ZNF451: variants seen among roughly 807,000 people sequenced by gnomAD.
ZNF451 encodes zinc finger protein 451.
A neutral mutation model predicts 107.1 loss-of-function variants in ZNF451; 80 were observed. That is an observed-to-expected ratio of 0.75 (90% CI 0.62 to 0.90). The LOEUF (loss-of-function observed/expected upper bound fraction) is 0.90, where lower values mean the gene tolerates loss of function less well. Among genes scored for constraint, ZNF451 ranks in the 40% least tolerant of loss-of-function variants. The pLI, the probability that ZNF451 is intolerant of heterozygous loss-of-function variation, is 0.00. For synonymous variants in ZNF451, 362 were observed against 406.5 expected (o/e 0.89, Z 1.32); for missense variants, 1,107 against 1,236.2 (o/e 0.90, Z 1.57).
At chr6:57,116,944 A>C (rs1028323805) in intron 3 of ZNF451, 7 of 152,112 alleles carry the variant, frequency 4.6e-5, no homozygotes, top group African/African-American at 1.7e-4. Context: ...AAAACAAAAA[A>C]AAAAAAAATG....
In ZNF451 at chr6:57,152,203, C is replaced by G; in HGVS notation, c.2753-18C>G. On this transcript the variant is annotated intron_variant, in intron 11 of 14. Transcript: ENST00000370706. The stretch of plus-strand genomic sequence containing the variant: ...TCTCCTGTTTGATTATCATTTTTGC[C>G]TTTTCTAAAATTAATAGGAGGAAAC... 4 of 1,583,378 alleles carry G rather than the reference C, an allele frequency of 2.5e-6. No homozygotes were observed. Among genetic ancestry groups the G allele is most frequent in the Non-Finnish European group, 3.4e-6 (4 of 1,166,510 alleles).
At chr6:57,108,236 C>T in intron 3 of ZNF451, 1 of 985,392 alleles carries the variant, frequency 1.0e-6, no homozygotes, top group Non-Finnish European at 1.2e-6. Context: ...CTTTCATATG[C>T]TATCTTTGCT....
At chr6:57,090,534 T>C (rs1829016383) in intron 1 of ZNF451, among the ~76,000 whole-genome samples, 1 of 104,416 alleles carries the variant, frequency 9.6e-6, no homozygotes. Context: ...TAAGGCAGGA[T>C]TGCCCTTCGG....
chr6:57,163,021 T>C (rs150973567), intron 14 of ZNF451, among the ~76,000 whole-genome samples: 1 of 152,344 alleles, frequency 6.6e-6, no homozygotes, highest in East Asian at 1.9e-4. Context: ...TTTTGTATCC[T>C]GATGCTTTAT....
chr6:57,161,219 T>A (rs538424994), intron 14 of ZNF451, 67 bp downstream of exon 14: 2 of 942,376 alleles, frequency 2.1e-6, no homozygotes, highest in East Asian at 5.6e-5. Context: ...AATTTCTCTG[T>A]CTCTCACCCA....
At chr6:57,104,413 C>T in intron 3 of ZNF451, 1 of 985,368 alleles carries the variant, frequency 1.0e-6, no homozygotes, top group Non-Finnish European at 1.2e-6. Context: ...AGACTTTTCA[C>T]TTTCCATTTG....
chr6:57,105,798 G>A (rs1829825197), intron 3 of ZNF451: 2 of 985,184 alleles, frequency 2.0e-6, no homozygotes, highest in Non-Finnish European at 2.4e-6. Flanking sequence ...AATAAGCAAG[G>A]ACATTTTTAA....
intron 7 of ZNF451, among the ~76,000 whole-genome samples, chr6:57,138,049 A>G (rs1374121576): frequency 2.6e-5 from 4 of 152,222 alleles, no homozygotes; most frequent in African/African-American, 7.2e-5. Flanking sequence ...GTTACGAACA[A>G]TGCTTCTATA....
intron 1 of ZNF451, 42 bp downstream of exon 1, chr6:57,090,316 C>T (rs1354759604): frequency 6.2e-7 from 1 of 1,606,176 alleles, no homozygotes; most frequent in Non-Finnish European, 8.5e-7. Flanking sequence ...CAGAGGCGAA[C>T]CGCGAAGGGT....
At chr6:57,155,818 CTTT>C (rs528621372) in intron 13 of ZNF451, among the ~76,000 whole-genome samples, 2 of 107,278 alleles carry the variant, frequency 1.9e-5, no homozygotes, top group Non-Finnish European at 2.0e-5. Flanking sequence ...TCTAGGTATT[CTTT>C]TTTTTTTTTT....
At chr6:57,156,459 T>A (rs967248563) in intron 13 of ZNF451, among the ~76,000 whole-genome samples, 1 of 152,238 alleles carries the variant, frequency 6.6e-6, no homozygotes, top group African/African-American at 2.4e-5. Context: ...TTTTTGTTAC[T>A]AAAGAATGCC....
intron 3 of ZNF451, chr6:57,107,838 A>ATTTTTTTTTTTTTTTTTTTTTTTTTTT (rs71799243): frequency 1.3e-6 from 1 of 746,694 alleles, no homozygotes; most frequent in Non-Finnish European, 1.6e-6. Context: ...ATATTTGATG[A>ATTTTTTTTTTTTTTTTTTTTTTTTTTT]TTTTTTTTTT....
At chr6:57,124,106 A>G (rs1352388510) in intron 3 of ZNF451, among the ~76,000 whole-genome samples, 2 of 152,180 alleles carry the variant, frequency 1.3e-5, no homozygotes, top group South Asian at 2.1e-4. Flanking sequence ...TCTGTTTCTC[A>G]TCATTAAATG....
chr6:57,133,891 G>T (rs1831303584), intron 6 of ZNF451, among the ~76,000 whole-genome samples: 1 of 152,108 alleles, frequency 6.6e-6, no homozygotes, highest in South Asian at 2.1e-4. Context: ...GCCCAAGCTG[G>T]TCTTGAACTC....
At chr6:57,101,537 T>C (rs1376695089) in intron 3 of ZNF451, 3 of 1,550,904 alleles carry the variant, frequency 1.9e-6, no homozygotes, top group Non-Finnish European at 2.6e-6. Context: ...ATGGAGGTCA[T>C]GGGTTGTAGG....
At chr6:57,119,590 G>A (rs766437505) in intron 3 of ZNF451, among the ~76,000 whole-genome samples, 50 of 152,098 alleles carry the variant, frequency 3.3e-4, no homozygotes, top group Non-Finnish European at 6.2e-4. Context: ...TTTAAAAAGA[G>A]CAGTTTTAGG....
intron 9 of ZNF451, among the ~76,000 whole-genome samples, chr6:57,144,030 G>T (rs918826041): frequency 3.9e-5 from 6 of 152,036 alleles, no homozygotes; most frequent in African/African-American, 1.4e-4. Context: ...AGTTGCTTAG[G>T]GTTCAGTGGT....
intron 12 of ZNF451, among the ~76,000 whole-genome samples, chr6:57,153,622 G>A (rs1400623668): frequency 1.3e-5 from 2 of 151,788 alleles, no homozygotes; most frequent in Admixed American, 6.6e-5. Flanking sequence ...CATGTTGGCC[G>A]GGCTGGTCTC....
At chr6:57,134,238 A>C (rs1325938836) in intron 6 of ZNF451, 1 of 152,408 alleles carries the variant, frequency 6.6e-6, no homozygotes, top group Non-Finnish European at 1.5e-5. Context: ...AGGGAACAAA[A>C]TTTGATAGCA....
Sources: allele counts gnomAD v4.1 joint callset (sites outside exome capture counted in the v4.1 genomes callset), GRCh38; gene constraint gnomAD v4.1.1; transcripts MANE v1.5; gene names NCBI Gene and HGNC (gene_info 2026-07-23, HGNC 2026-07-21).